GIGYF2: variants seen among roughly 807,000 people sequenced by gnomAD.
GIGYF2 encodes GRB10 interacting GYF protein 2, also known as GRB10-interacting GYF protein 2.
Under a neutral mutation model 208.1 loss-of-function variants are expected in GIGYF2, and 25 were observed. The ratio of observed to expected loss-of-function variants is 0.12; its 90% CI spans 0.09 to 0.17. The LOEUF is 0.17. Among genes scored for constraint, GIGYF2 ranks in the 10% least tolerant of loss-of-function variants. The probability of loss-of-function intolerance (pLI) is 1.00; values close to 1 mark genes in which losing one functional copy is unlikely to be tolerated. For missense variants in GIGYF2, 1,302 were observed against 1,579.4 expected, an observed-to-expected ratio of 0.82 and a Z score of 2.98; for synonymous variants, 534 against 543.8, an observed-to-expected ratio of 0.98 and a Z score of 0.25.
Position 232,796,208 on chromosome 2 carries a change from G to C in GIGYF2, c.1626G>C (p.Gln542His). 1 of 1,602,782 alleles carries C rather than the reference G, an allele frequency of 6.2e-7. No individual in the cohort carries two copies. The highest frequency in any genetic ancestry group is 8.5e-7 in the Non-Finnish European group (1 of 1,169,672). ...AGAAGTGGTATTACAAAGATCCTCA[G>C]GGAGAAATTCAAGGCAAGTTGTTCC... ...AMQKWYYKDPQGEIQGPFNNQ... is the reference protein window; with the variant it reads ...AMQKWYYKDPHGEIQGPFNNQ... Residue 542 changes from glutamine (Q) to histidine (H), a missense_variant, in exon 14 of 29, where the codon CAG (glutamine) becomes CAC (histidine). This residue lies in a region of GIGYF2 where 69 missense variants were observed against 132.8 expected (regional missense o/e 0.52). Transcript: ENST00000373563.
intron 2 of GIGYF2, among the ~76,000 whole-genome samples, chr2:232,726,231 T>G (rs1037111253): frequency 6.6e-6 from 1 of 151,912 alleles, no homozygotes; most frequent in Admixed American, 6.6e-5. Flanking sequence ...TATCTGGGTG[T>G]GGTGTTCGGC....
intron 22 of GIGYF2, among the ~76,000 whole-genome samples, chr2:232,836,737 C>T (rs544869776): frequency 6.6e-6 from 1 of 152,018 alleles, no homozygotes; most frequent in Non-Finnish European, 1.5e-5. Flanking sequence ...AAGGTAGCAG[C>T]CTCCTACAGT....
intron 3 of GIGYF2, among the ~76,000 whole-genome samples, chr2:232,744,645 C>G (rs1192559742): frequency 6.6e-6 from 1 of 151,844 alleles, no homozygotes; most frequent in Admixed American, 6.6e-5. Flanking sequence ...AGTCCTCCCA[C>G]CTCAGCCTCC....
At chr2:232,841,572 C>T (rs943343184) in intron 23 of GIGYF2, among the ~76,000 whole-genome samples, 4 of 152,004 alleles carry the variant, frequency 2.6e-5, no homozygotes, top group African/African-American at 9.7e-5. Context: ...GCCTCGGCCT[C>T]CCAAAGTGCT....
chr2:232,806,131 AGCCCT>A lies in GIGYF2; in HGVS notation c.1640-357_1640-353del, dbSNP rs971624532. ...AAAATGAAAATTGGAGAACGTTTTCAGCCCTGCATGTTTATATTCTTTACGCCTAA... is the reference window on the plus strand; with the variant it reads ...AAAATGAAAATTGGAGAACGTTTTCAGCATGTTTATATTCTTTACGCCTAA... On this transcript the variant is annotated intron_variant, in intron 14 of 28. Coordinates refer to ENST00000373563, the MANE Select transcript of GIGYF2 (RefSeq NM_001103146.3). The surrounding 1 kb of genome is among the most constrained non-coding windows in gnomAD (Gnocchi z 4.0). 2.6e-5 allele frequency among the ~76,000 whole-genome samples: 4 copies of A among 152,348 alleles called. 1 individual carries two copies. The highest frequency in any genetic ancestry group is 6.5e-5 in the Admixed American group (1 of 15,300).
At chr2:232,721,731 C>T (rs1175412709) in intron 2 of GIGYF2, among the ~76,000 whole-genome samples, 1 of 152,136 alleles carries the variant, frequency 6.6e-6, no homozygotes, top group African/African-American at 2.4e-5. Context: ...CAATGCATCT[C>T]TCTTCCCTTC....
intron 8 of GIGYF2, among the ~76,000 whole-genome samples, chr2:232,773,775 G>C (rs1266219975): frequency 2.0e-5 from 3 of 152,156 alleles, no homozygotes; most frequent in Admixed American, 2.0e-4. Context: ...TAAGCTCTCA[G>C]TAAAGTATTA....
rs1574963175 is a variant in GIGYF2 at position 232,858,808 on chromosome 2, G to A, written c.*1948G>A. 3.3e-6 allele frequency: 1 copy of A among 301,142 alleles called. No homozygotes were observed. The highest frequency in any genetic ancestry group is 8.6e-5 in the East Asian group (1 of 11,680). 18.7% of individuals were successfully genotyped at this position (301,142 alleles called of 1,614,324 possible). A position where few individuals can be genotyped will look rare whatever the true frequency, so the allele number is the denominator to read the frequency against. ...TGAGAATGTAGAGGTCAAGGCAGATGTCGGTAAGTTTGACCAAATATCTTT... is the reference window on the plus strand; with the variant it reads ...TGAGAATGTAGAGGTCAAGGCAGATATCGGTAAGTTTGACCAAATATCTTT... On this transcript the variant is annotated 3_prime_UTR_variant, in exon 29 of 29. Transcript: ENST00000373563.
In GIGYF2 at chr2:232,857,057, T is replaced by C. The variant is rs1690606365; in HGVS notation, c.*197T>C. 1.6e-6 allele frequency: 1 copy of C among 628,542 alleles called. No homozygotes were observed. The highest frequency in any genetic ancestry group is 2.9e-6 in the Non-Finnish European group (1 of 346,762). 38.9% of individuals were successfully genotyped at this position (628,542 alleles called of 1,614,324 possible). ...TTTTGTTGGTGAACATCTCAGACTA[T>C]AGATAAGTGGACTGGACCCTGTGTC... is the stretch of plus-strand genomic sequence containing the variant. On this transcript the variant is annotated 3_prime_UTR_variant, in exon 29 of 29. Transcript: ENST00000373563.
intron 8 of GIGYF2, among the ~76,000 whole-genome samples, chr2:232,771,622 C>T (rs942531752): frequency 2.0e-5 from 3 of 152,158 alleles, no homozygotes; most frequent in African/African-American, 7.2e-5. Context: ...CATTGTTTAA[C>T]ACTTAAACAT....
intron 12 of GIGYF2, among the ~76,000 whole-genome samples, chr2:232,791,763 A>G (rs1176278107): frequency 6.6e-6 from 1 of 152,174 alleles, no homozygotes; most frequent in African/African-American, 2.4e-5. Context: ...CCCGTATTAG[A>G]CAGTTACCTT....
intron 8 of GIGYF2, among the ~76,000 whole-genome samples, chr2:232,769,691 T>TG (rs1699150689): frequency 1.3e-5 from 2 of 152,072 alleles, no homozygotes; most frequent in Admixed American, 1.3e-4. Flanking sequence ...TCTTAATCAG[T>TG]TTTGTGCCAC....
At chr2:232,794,984 G>A (rs1485626287) in intron 13 of GIGYF2, 40 bp downstream of exon 13, 1 of 1,436,496 alleles carries the variant, frequency 7.0e-7, no homozygotes, top group Admixed American at 1.7e-5. Context: ...CTCTTAAACT[G>A]CCGTAAGAAT....
chr2:232,741,225 C>A (rs1470820663), intron 3 of GIGYF2, among the ~76,000 whole-genome samples: 3 of 152,142 alleles, frequency 2.0e-5, no homozygotes, highest in Non-Finnish European at 2.9e-5. Context: ...CCTGTTTGCT[C>A]AAGCTAGCAG....
At chr2:232,733,905 G>T (rs981332529) in intron 2 of GIGYF2, among the ~76,000 whole-genome samples, 1 of 152,054 alleles carries the variant, frequency 6.6e-6, no homozygotes, top group African/African-American at 2.4e-5. Context: ...TCCATCCGAG[G>T]TTGGTTGAAT....
At chr2:232,836,393 A>T (rs189183983) in intron 22 of GIGYF2, among the ~76,000 whole-genome samples, 527 of 51,532 alleles carry the variant, frequency 0.01, 45 homozygotes, top group Middle Eastern at 0.027. Context: ...AATATATATA[A>T]ATATAAATAT....
At chr2:232,701,243 A>G (rs968830388) in intron 1 of GIGYF2, among the ~76,000 whole-genome samples, 9 of 151,774 alleles carry the variant, frequency 5.9e-5, no homozygotes, top group South Asian at 2.1e-4. Context: ...CTTGTTAACT[A>G]TGGGGTTTCA....
rs146479150 is a variant in GIGYF2 at position 232,775,237 on chromosome 2, G to T, written c.533-11913G>T. ...TTAGTGTAGAGAACGCAGGATAAGG[G>T]GATATGGCCTTCAGGCTCTAGCACT... is the stretch of plus-strand genomic sequence containing the variant. On this transcript the variant is annotated intron_variant, in intron 8 of 28. Coordinates refer to ENST00000373563, the MANE Select transcript of GIGYF2 (RefSeq NM_001103146.3). Among the ~76,000 whole-genome samples the T allele has an allele frequency of 8.7e-3, 1,322 of 152,016 alleles. 35 individuals carry two copies. The highest frequency in any genetic ancestry group is 0.054 in the Admixed American group (830 of 15,256).
intron 8 of GIGYF2, among the ~76,000 whole-genome samples, chr2:232,785,230 A>G (rs1438009735): frequency 1.3e-5 from 2 of 152,178 alleles, no homozygotes; most frequent in Non-Finnish European, 2.9e-5. Context: ...CATAGATAAT[A>G]AAACCCTTGC....
Sources: gnomAD v4.1 joint callset for allele counts (sites outside exome capture counted in the v4.1 genomes callset) on GRCh38, gnomAD v4.1.1 for gene constraint, gnomAD v4.1.1 regional missense constraint, Gnocchi (gnomAD v3.1) non-coding constraint, MANE v1.5 for transcripts, NCBI Gene and HGNC (gene_info 2026-07-23, HGNC 2026-07-21) for gene names.